ARMC3: variants seen among roughly 807,000 people sequenced by gnomAD.
ARMC3 encodes the protein armadillo repeat-containing protein 3.
ARMC3 carries 74 observed loss-of-function variants against 90.3 expected under a neutral mutation model. The ratio of observed to expected loss-of-function variants is 0.82; its 90% CI spans 0.68 to 0.99. The LOEUF is 0.99. ARMC3 is among the 50% of genes least tolerant of loss of function. The probability of loss-of-function intolerance (pLI) is 0.00; values close to 1 mark genes in which losing one functional copy is unlikely to be tolerated. For synonymous variants in ARMC3, 334 were observed against 361.8 expected (o/e 0.92, Z 0.87); for missense variants, 958 against 1,042.8 (o/e 0.92, Z 1.12).
At chr10:22,942,305 G>T (rs146310101) in intron 2 of ARMC3, among the ~76,000 whole-genome samples, 2 of 152,278 alleles carry the variant, frequency 1.3e-5, no homozygotes, top group Non-Finnish European at 2.9e-5. Context: ...TGTGGGTGCG[G>T]CAGGAAACCC....
At chr10:23,014,219 T>C in intron 16 of ARMC3, 1 of 1,532,728 alleles carries the variant, frequency 6.5e-7, no homozygotes, top group East Asian at 2.5e-5. Flanking sequence ...TTCTGAATTG[T>C]AAATGAAAAT....
chr10:23,037,198 G>A (rs1839153400), intron 18 of ARMC3, 72 bp from the exon 19 acceptor site: 3 of 1,314,892 alleles, frequency 2.3e-6, no homozygotes. Flanking sequence ...ATCAAGGTGT[G>A]CAATTACAAA....
At chr10:23,037,201 A>G (rs1839153581) in intron 18 of ARMC3, 69 bp from the exon 19 acceptor site, 3 of 1,364,710 alleles carry the variant, frequency 2.2e-6, no homozygotes, top group Non-Finnish European at 3.0e-6. Context: ...AAGGTGTGCA[A>G]TTACAAATAG....
Position 23,003,383 on chromosome 10 carries a change from T to C in ARMC3, c.1700T>C (p.Ile567Thr), listed in dbSNP as rs1182879943. 2 of 1,611,226 alleles carry C rather than the reference T, an allele frequency of 1.2e-6. No individual in the cohort carries two copies. The highest frequency in any genetic ancestry group is 2.2e-5 in the East Asian group (1 of 44,768). ...SQTGYLSSSNIINDGFYDYGR... is the reference protein window; with the variant it reads ...SQTGYLSSSNTINDGFYDYGR... ...ACTGGCTATTTGTCATCAAGTAACA[T>C]AATTAACGATGGATTCTATGATTAT... The change falls in exon 13 of 19, where the codon ATA becomes ACA. Residue 567 changes from isoleucine (I) to threonine (T), a missense_variant. Coordinates refer to ENST00000298032, the MANE Select transcript of ARMC3 (RefSeq NM_173081.5).
At chr10:22,965,441 G>A (rs1835403539) in intron 7 of ARMC3, among the ~76,000 whole-genome samples, 1 of 152,094 alleles carries the variant, frequency 6.6e-6, no homozygotes, top group African/African-American at 2.4e-5. Context: ...TACGTGATGT[G>A]TCACTTTTCT....
At chr10:22,981,734 G>T (rs745886902) in intron 10 of ARMC3, 34 bp downstream of exon 10, 2 of 1,549,238 alleles carry the variant, frequency 1.3e-6, no homozygotes, top group Admixed American at 3.4e-5. Flanking sequence ...GCACTGACTT[G>T]TGGGACAATT....
At chr10:23,030,462 A>T in intron 16 of ARMC3, 134 bp from the exon 17 acceptor site, 1 of 1,427,434 alleles carries the variant, frequency 7.0e-7, no homozygotes, top group Non-Finnish European at 9.2e-7. Context: ...AAGTGGATCC[A>T]CACAGTTCAA....
chr10:23,008,089 G>C (rs1336569946), intron 14 of ARMC3, among the ~76,000 whole-genome samples, 187 bp from the exon 15 acceptor site: 4 of 152,168 alleles, frequency 2.6e-5, no homozygotes, highest in Non-Finnish European at 5.9e-5. Flanking sequence ...GGGCGATAGA[G>C]TGAGATCCTG....
intron 16 of ARMC3, among the ~76,000 whole-genome samples, chr10:23,019,893 T>A (rs1383776837): frequency 6.6e-6 from 1 of 152,300 alleles, no homozygotes; most frequent in South Asian, 2.1e-4. Flanking sequence ...GATCATACAG[T>A]GTGTAACGTT....
chr10:22,970,478 C>T (rs1835633860), intron 8 of ARMC3, among the ~76,000 whole-genome samples: 1 of 152,064 alleles, frequency 6.6e-6, no homozygotes, highest in African/African-American at 2.4e-5. Context: ...CAACAAAGAG[C>T]CATTGAAGTT....
At chr10:23,023,658 G>A (rs531966835) in intron 16 of ARMC3, among the ~76,000 whole-genome samples, 1 of 152,134 alleles carries the variant, frequency 6.6e-6, no homozygotes, top group Non-Finnish European at 1.5e-5. Context: ...TATAAAAAAG[G>A]AACCAAATAG....
chr10:22,974,695 T>A (rs1289626147), intron 8 of ARMC3, among the ~76,000 whole-genome samples: 4 of 151,934 alleles, frequency 2.6e-5, no homozygotes, highest in Non-Finnish European at 4.4e-5. Context: ...CAGGCTGGAG[T>A]GCAGTGGAGT....
intron 14 of ARMC3, among the ~76,000 whole-genome samples, 162 bp from the exon 15 acceptor site, chr10:23,008,114 C>G (rs1837716171): frequency 2.0e-5 from 3 of 151,960 alleles, no homozygotes; most frequent in South Asian, 2.1e-4. Context: ...AAAAAACAAA[C>G]AAAGAAAAAA....
intron 7 of ARMC3, among the ~76,000 whole-genome samples, chr10:22,964,661 G>A (rs865841608): frequency 1.3e-5 from 2 of 151,568 alleles, no homozygotes; most frequent in East Asian, 1.9e-4. Flanking sequence ...GGCTAGTCTC[G>A]AACTCCTGAC....
chr10:22,995,810 A>C (rs1482562752), intron 10 of ARMC3, among the ~76,000 whole-genome samples: 1 of 152,224 alleles, frequency 6.6e-6, no homozygotes, highest in African/African-American at 2.4e-5. Context: ...TTAGTTTTCC[A>C]AAAACTCCCT....
chr10:23,008,082 C>T (rs530763723), intron 14 of ARMC3, among the ~76,000 whole-genome samples, 194 bp from the exon 15 acceptor site: 8 of 152,080 alleles, frequency 5.3e-5, no homozygotes, highest in East Asian at 1.9e-4. Context: ...CCAGCCTGGG[C>T]GATAGAGTGA....
intron 16 of ARMC3, 65 bp downstream of exon 16, chr10:23,008,996 A>G: frequency 3.8e-6 from 5 of 1,325,814 alleles, no homozygotes; most frequent in Non-Finnish European, 4.3e-6. Flanking sequence ...GTGGCTCTTC[A>G]GTAGGAAGCT....
At chr10:22,938,878 T>A (rs183868338) in intron 2 of ARMC3, among the ~76,000 whole-genome samples, 1 of 152,266 alleles carries the variant, frequency 6.6e-6, no homozygotes, top group African/African-American at 2.4e-5. Context: ...TCCAGAGAGA[T>A]GGAGGCCTGA....
In ARMC3 at chr10:22,951,880, C is replaced by T. The variant is rs192565839; in HGVS notation, c.167-3927C>T. Among the ~76,000 whole-genome samples, 17 of 152,226 alleles carry T rather than the reference C, an allele frequency of 1.1e-4. No individual in the cohort carries two copies. The East Asian group carries it at 1.7e-3, about 16-fold the overall frequency. Reference sequence around the variant, plus strand: ...GCACAGTGGCTCACACCTGTAATCTCGGAACTTTGAGAGGCTGAGGTGGGC... The same window carrying T: ...GCACAGTGGCTCACACCTGTAATCTTGGAACTTTGAGAGGCTGAGGTGGGC... On this transcript the variant is annotated intron_variant, in intron 3 of 18. Transcript: ENST00000298032.
Sources: allele counts gnomAD v4.1 joint callset (sites outside exome capture counted in the v4.1 genomes callset), GRCh38; gene constraint gnomAD v4.1.1; transcripts MANE v1.5; gene names NCBI Gene and HGNC (gene_info 2026-07-23, HGNC 2026-07-21).